Variants in CRYBG1 observed in about 807,000 individuals in gnomAD.
The protein encoded by CRYBG1 is crystallin beta-gamma domain containing 1.
CRYBG1 carries 139 observed loss-of-function variants against 189.2 expected under a neutral mutation model. The ratio of observed to expected loss-of-function variants is 0.73; its 90% CI spans 0.64 to 0.85. The LOEUF is 0.85. Ranked by LOEUF, CRYBG1 falls within the 40% of genes least tolerant of loss-of-function variation. The pLI is 0.00. For synonymous variants in CRYBG1, 1,023 were observed against 1,017.1 expected (o/e 1.01, Z -0.11); for missense variants, 2,611 against 2,675.8 (o/e 0.98, Z 0.53).
intron 1 of CRYBG1, among the ~76,000 whole-genome samples, chr6:106,408,910 A>G (rs920173399): frequency 1.3e-5 from 2 of 152,184 alleles, no homozygotes; most frequent in Non-Finnish European, 2.9e-5. Context: ...ACCCACAGCC[A>G]GTATCATACT....
At chr6:106,364,918 C>T (rs979347985) in intron 1 of CRYBG1, among the ~76,000 whole-genome samples, 19 of 152,166 alleles carry the variant, frequency 1.2e-4, no homozygotes, top group African/African-American at 4.1e-4. Flanking sequence ...CGAGTTAATG[C>T]ATTTCAAGTG....
In CRYBG1 at chr6:106,500,433, C is replaced by CAA. The variant is rs566538301; in HGVS notation, c.313-10987_313-10986dup. Among the ~76,000 whole-genome samples the CAA allele has an allele frequency of 2.5e-3, 358 of 144,842 alleles. 1 individual carries two copies. Among genetic ancestry groups the CAA allele is most frequent in the East Asian group, 8.2e-3 (41 of 4,988 alleles). ...TGATGTTGAGCACTAAAAAAAAAAA[C>CAA]AAAAAAAAAAACCTCTTGGCTATTT... On this transcript the variant is annotated intron_variant, in intron 2 of 21. Coordinates refer to ENST00000633556, the MANE Select transcript of CRYBG1 (RefSeq NM_001371242.2).
chr6:106,543,945 G>T (rs1774199646), intron 11 of CRYBG1, among the ~76,000 whole-genome samples: 1 of 152,190 alleles, frequency 6.6e-6, no homozygotes, highest in South Asian at 2.1e-4. Context: ...CCAGCTACTT[G>T]GGAGGCTGAG....
intron 7 of CRYBG1, 138 bp downstream of exon 7, chr6:106,527,608 G>A: frequency 1.1e-6 from 1 of 892,560 alleles, no homozygotes; most frequent in African/African-American, 1.7e-5. Context: ...TGTATTTTAA[G>A]TATTTGTACA....
intron 10 of CRYBG1, among the ~76,000 whole-genome samples, chr6:106,542,237 ATT>A (rs61115774): frequency 3.6e-5 from 5 of 140,104 alleles, no homozygotes; most frequent in Non-Finnish European, 4.6e-5. Flanking sequence ...AAAAAGCCAG[ATT>A]TTTTTTTTTC....
At chr6:106,463,150 T>C (rs1772046854) in intron 2 of CRYBG1, among the ~76,000 whole-genome samples, 1 of 151,918 alleles carries the variant, frequency 6.6e-6, no homozygotes, top group Admixed American at 6.6e-5. Context: ...AAAGACCCTG[T>C]CTCTAAAAAA....
intron 1 of CRYBG1, among the ~76,000 whole-genome samples, chr6:106,403,626 C>T (rs1219223652): frequency 1.3e-5 from 2 of 152,220 alleles, no homozygotes; most frequent in Non-Finnish European, 2.9e-5. Flanking sequence ...CATATACACA[C>T]ACGCACTTGA....
chr6:106,497,036 AG>A (rs1261879330), intron 2 of CRYBG1, among the ~76,000 whole-genome samples: 2 of 152,194 alleles, frequency 1.3e-5, no homozygotes, highest in Non-Finnish European at 2.9e-5. Flanking sequence ...GCTGCCTGCC[AG>A]GAACACTGTA....
intron 2 of CRYBG1, among the ~76,000 whole-genome samples, chr6:106,471,594 C>T (rs3814077): frequency 6.6e-6 from 1 of 151,976 alleles, no homozygotes; most frequent in African/African-American, 2.4e-5. Context: ...ACTTTTAGGA[C>T]AGTGCTTGGT....
chr6:106,504,409 C>G (rs984818250), intron 2 of CRYBG1, among the ~76,000 whole-genome samples: 1 of 152,168 alleles, frequency 6.6e-6, no homozygotes, highest in African/African-American at 2.4e-5. Flanking sequence ...CCGTAGTCTT[C>G]ACTCCTTCTA....
chr6:106,480,683 AT>A (rs1252741850), intron 2 of CRYBG1, among the ~76,000 whole-genome samples: 3 of 138,064 alleles, frequency 2.2e-5, no homozygotes, highest in East Asian at 2.3e-4. Flanking sequence ...AAAAAAAAAA[AT>A]TTGGCACCTC....
intron 2 of CRYBG1, among the ~76,000 whole-genome samples, chr6:106,475,988 G>C (rs77009250): frequency 0.05 from 7,630 of 152,228 alleles, 649 homozygotes; most frequent in African/African-American, 0.17. Flanking sequence ...AATAGAAAAT[G>C]AGTACCTGTG....
intron 1 of CRYBG1, among the ~76,000 whole-genome samples, chr6:106,373,343 G>A (rs533011110): frequency 1.3e-3 from 201 of 152,192 alleles, no homozygotes; most frequent in Middle Eastern, 3.4e-3. Context: ...CCTGCTACTG[G>A]GGTGATTCAC....
chr6:106,531,121 T>C (rs1773868284), intron 8 of CRYBG1, among the ~76,000 whole-genome samples: 1 of 152,240 alleles, frequency 6.6e-6, no homozygotes, highest in Admixed American at 6.5e-5. Context: ...TAAAGTGGTA[T>C]GGAGTATCTC....
chr6:106,541,700 A>G, intron 10 of CRYBG1, 79 bp downstream of exon 10: 1 of 973,828 alleles, frequency 1.0e-6, no homozygotes, highest in Admixed American at 2.2e-5. Context: ...ACTTAATGTT[A>G]TTCCCACTCC....
chr6:106,486,993 T>A (rs1211232007), intron 2 of CRYBG1, among the ~76,000 whole-genome samples: 1 of 152,252 alleles, frequency 6.6e-6, no homozygotes, highest in African/African-American at 2.4e-5. Flanking sequence ...TTCTTTTCTT[T>A]CTCTTTTTGT....
At chr6:106,506,534 C>A (rs1414680403) in intron 2 of CRYBG1, among the ~76,000 whole-genome samples, 3 of 142,602 alleles carry the variant, frequency 2.1e-5, no homozygotes, top group Non-Finnish European at 4.5e-5. Flanking sequence ...TTCACTGCAA[C>A]CTCCGCCTCC....
At chr6:106,470,679 C>T (rs1294262814) in intron 2 of CRYBG1, among the ~76,000 whole-genome samples, 2 of 152,182 alleles carry the variant, frequency 1.3e-5, no homozygotes, top group Admixed American at 1.3e-4. Context: ...GGCAGATCTA[C>T]TTAGACCGCC....
intron 1 of CRYBG1, among the ~76,000 whole-genome samples, chr6:106,431,385 T>C (rs1399009095): frequency 6.6e-6 from 1 of 152,164 alleles, no homozygotes; most frequent in Admixed American, 6.6e-5. Context: ...GCATTTAGAT[T>C]CTAAGCCATC....
Sources: allele counts gnomAD v4.1 joint callset (sites outside exome capture counted in the v4.1 genomes callset), GRCh38; gene constraint gnomAD v4.1.1; transcripts MANE v1.5; gene names NCBI Gene and HGNC (gene_info 2026-07-23, HGNC 2026-07-21).